Variants in AGBL1 observed in about 807,000 individuals in gnomAD.
AGBL1 encodes cytosolic carboxypeptidase 4.
AGBL1 carries 130 observed loss-of-function variants against 118.9 expected under a neutral mutation model. That is an observed-to-expected ratio of 1.09 (90% CI 0.95 to 1.26). The LOEUF (loss-of-function observed/expected upper bound fraction) is 1.26, where lower values mean the gene tolerates loss of function less well. Among genes scored for constraint, AGBL1 ranks in the 50% most tolerant of loss-of-function variants. The probability of loss-of-function intolerance (pLI) is 0.00; values close to 1 mark genes in which losing one functional copy is unlikely to be tolerated. For missense variants in AGBL1, 1,584 were observed against 1,298.1 expected (o/e 1.22, Z -3.38); for synonymous variants, 555 against 478.9 (o/e 1.16, Z -2.08).
intron 21 of AGBL1, among the ~76,000 whole-genome samples, chr15:86,644,744 G>A (rs1363369829): frequency 6.7e-6 from 1 of 149,290 alleles, no homozygotes. Context: ...GGTGGCTCAC[G>A]CCTGTAATCC....
intron 6 of AGBL1, among the ~76,000 whole-genome samples, chr15:86,226,237 T>G (rs191660724): frequency 1.6e-4 from 25 of 152,208 alleles, no homozygotes; most frequent in African/African-American, 6.0e-4. Context: ...GGCATCTCGG[T>G]TCTCATTATT....
chr15:86,372,915 T>A (rs2080990244), intron 17 of AGBL1, among the ~76,000 whole-genome samples: 1 of 151,930 alleles, frequency 6.6e-6, no homozygotes, highest in Non-Finnish European at 1.5e-5. Context: ...TGTTACTGGG[T>A]GCTAAGGATG....
intron 1 of AGBL1, among the ~76,000 whole-genome samples, chr15:86,131,924 G>T (rs1186275076): frequency 6.6e-6 from 1 of 151,164 alleles, no homozygotes; most frequent in African/African-American, 2.4e-5. Flanking sequence ...TGCCAGCCTG[G>T]GTGACAGAGC....
intron 18 of AGBL1, among the ~76,000 whole-genome samples, chr15:86,498,439 A>G (rs1365418408): frequency 6.6e-6 from 1 of 151,914 alleles, no homozygotes; most frequent in East Asian, 1.9e-4. Context: ...ATTTTCCTCT[A>G]TGACAAGAGT....
chr15:86,873,448 G>A (rs1383238289), intron 22 of AGBL1, among the ~76,000 whole-genome samples: 1 of 152,148 alleles, frequency 6.6e-6, no homozygotes. Flanking sequence ...CAATGATAAT[G>A]TCCAGTTTTC....
At chr15:86,813,468 A>G (rs749611499) in intron 22 of AGBL1, among the ~76,000 whole-genome samples, 11 of 152,198 alleles carry the variant, frequency 7.2e-5, no homozygotes, top group Non-Finnish European at 1.6e-4. Context: ...GAAGAGTCAT[A>G]TATGATTTCT....
At chr15:86,697,628 C>T (rs2086284914) in intron 22 of AGBL1, among the ~76,000 whole-genome samples, 1 of 151,490 alleles carries the variant, frequency 6.6e-6, no homozygotes, top group Non-Finnish European at 1.5e-5. Flanking sequence ...TGCTGGTGAG[C>T]TTGTATGATT....
intron 1 of AGBL1, among the ~76,000 whole-genome samples, chr15:86,121,911 C>A (rs138722634): frequency 2.0e-5 from 3 of 152,152 alleles, no homozygotes; most frequent in Non-Finnish European, 2.9e-5. Context: ...TAAAATGAAA[C>A]AAATTTGGCT....
At chr15:86,512,736 C>T (rs1412400895) in intron 18 of AGBL1, among the ~76,000 whole-genome samples, 1 of 151,652 alleles carries the variant, frequency 6.6e-6, no homozygotes, top group East Asian at 1.9e-4. Context: ...CTTTTTCTAC[C>T]CTTCTACAGA....
chr15:86,887,637 T>C (rs562763139), intron 22 of AGBL1, among the ~76,000 whole-genome samples: 1 of 152,346 alleles, frequency 6.6e-6, no homozygotes, highest in South Asian at 2.1e-4. Context: ...CCTATAGAGA[T>C]GAGTTTCTGA....
At chr15:86,997,245 G>A (rs968182707) in intron 24 of AGBL1, among the ~76,000 whole-genome samples, 2 of 151,978 alleles carry the variant, frequency 1.3e-5, no homozygotes, top group Non-Finnish European at 2.9e-5. Flanking sequence ...TCCATACATT[G>A]TATCTCAGAG....
intron 1 of AGBL1, among the ~76,000 whole-genome samples, chr15:86,081,931 G>A (rs542471787): frequency 2.0e-5 from 3 of 152,204 alleles, no homozygotes; most frequent in Non-Finnish European, 2.9e-5. Context: ...TGATCACCCC[G>A]GGGCACTGCT....
In AGBL1 at chr15:86,229,948, T is replaced by C. The variant is rs192393433; in HGVS notation, c.526+4997T>C. On this transcript the variant is annotated intron_variant, in intron 6 of 22. Transcript: ENST00000614907. ...GTCAGACCACTCTCCAATTTAAGAATTAGCATTTAAAGGAGTCTGGAAGTT... is the reference window on the plus strand; with the variant it reads ...GTCAGACCACTCTCCAATTTAAGAACTAGCATTTAAAGGAGTCTGGAAGTT... 1.5e-4 allele frequency among the ~76,000 whole-genome samples: 23 copies of C among 152,298 alleles called. No homozygotes were observed. The East Asian group carries it at 3.5e-3, about 23-fold the overall frequency.
At chr15:86,194,203 G>A (rs1437307563) in intron 5 of AGBL1, among the ~76,000 whole-genome samples, 2 of 152,082 alleles carry the variant, frequency 1.3e-5, no homozygotes, top group Non-Finnish European at 2.9e-5. Context: ...CGTTTGGCTG[G>A]GCTGCTCTAT....
At chr15:86,164,525 T>C (rs1372236685) in intron 5 of AGBL1, among the ~76,000 whole-genome samples, 1 of 152,184 alleles carries the variant, frequency 6.6e-6, no homozygotes, top group Non-Finnish European at 1.5e-5. Context: ...ATTCCCAGGA[T>C]GGGCCTGAAG....
chr15:86,667,207 TATGTATCTATGTATG>T (rs2085660334), intron 21 of AGBL1, among the ~76,000 whole-genome samples: 1 of 44,008 alleles, frequency 2.3e-5, no homozygotes, highest in Non-Finnish European at 8.7e-5. Context: ...GATATCTATG[TATGTATCTATGTATG>T]TATGTATGTA....
intron 18 of AGBL1, among the ~76,000 whole-genome samples, chr15:86,443,387 C>A (rs2082087032): frequency 6.6e-6 from 1 of 152,144 alleles, no homozygotes; most frequent in African/African-American, 2.4e-5. Context: ...TACATGTATA[C>A]AATGTGTAAT....
intron 1 of AGBL1, among the ~76,000 whole-genome samples, chr15:86,121,593 A>G (rs1481321515): frequency 6.6e-6 from 1 of 152,226 alleles, no homozygotes; most frequent in Non-Finnish European, 1.5e-5. Context: ...CATGTACTCG[A>G]CAATAGTCAT....
chr15:86,439,052 G>C (rs2082031569), intron 18 of AGBL1, among the ~76,000 whole-genome samples: 1 of 152,122 alleles, frequency 6.6e-6, no homozygotes, highest in African/African-American at 2.4e-5. Flanking sequence ...GTTTGCGGGT[G>C]GCAAACTCAA....
Sources: gnomAD v4.1 joint callset for allele counts (sites outside exome capture counted in the v4.1 genomes callset) on GRCh38, gnomAD v4.1.1 for gene constraint, MANE v1.5 for transcripts, NCBI Gene and HGNC (gene_info 2026-07-23, HGNC 2026-07-21) for gene names.